The following MYLK variants were observed in gnomAD, a reference collection of about 807,000 sequenced individuals.
The protein encoded by MYLK is myosin light chain kinase.
In MYLK, 106 loss-of-function variants were observed where a neutral mutation model predicts 203.4. The observed-to-expected ratio is 0.52, with a 90% CI of 0.45 to 0.61. The LOEUF (loss-of-function observed/expected upper bound fraction) is 0.61. MYLK is among the 20% of genes least tolerant of loss of function. The probability of loss-of-function intolerance (pLI) is 0.00; values close to 1 mark genes in which losing one functional copy is unlikely to be tolerated. For missense variants in MYLK, 2,072 were observed against 2,442.3 expected, an observed-to-expected ratio of 0.85 and a Z score of 3.20; for synonymous variants, 867 against 959.5, an observed-to-expected ratio of 0.90 and a Z score of 1.78.
chr3:123,783,890 G>A (rs1376700688), intron 4 of MYLK, among the ~76,000 whole-genome samples: 1 of 152,172 alleles, frequency 6.6e-6, no homozygotes, highest in Non-Finnish European at 1.5e-5. Context: ...CTGGCTTACG[G>A]TGCCTCCCTC....
chr3:123,689,858 A>C (rs1490482219), intron 19 of MYLK: 2 of 152,236 alleles, frequency 1.3e-5, no homozygotes, highest in Non-Finnish European at 2.9e-5. Context: ...CCCTTTTCTT[A>C]GGAAAAAGAC....
At chr3:123,839,568 T>C (rs1357531978) in intron 2 of MYLK, among the ~76,000 whole-genome samples, 2 of 152,134 alleles carry the variant, frequency 1.3e-5, no homozygotes, top group Admixed American at 6.5e-5. Flanking sequence ...ATCCAAAAAG[T>C]CTTAGGCCTG....
At chr3:123,820,997 G>T (rs1313743304) in intron 3 of MYLK, among the ~76,000 whole-genome samples, 1 of 152,094 alleles carries the variant, frequency 6.6e-6, no homozygotes, top group Non-Finnish European at 1.5e-5. Flanking sequence ...CCAAAGTGCT[G>T]GGATTACAGG....
chr3:123,627,410 T>TA (rs1260034937), intron 30 of MYLK, among the ~76,000 whole-genome samples: 1 of 152,224 alleles, frequency 6.6e-6, no homozygotes. Flanking sequence ...TTTAATGTCT[T>TA]ACGGTGTTGT....
At chr3:123,619,459 A>G (rs916628957) in intron 32 of MYLK, among the ~76,000 whole-genome samples, 2 of 152,188 alleles carry the variant, frequency 1.3e-5, no homozygotes, top group African/African-American at 2.4e-5. Context: ...GGCCTCACCA[A>G]TAACCCTACC....
intron 7 of MYLK, among the ~76,000 whole-genome samples, chr3:123,737,887 T>C (rs2062733091): frequency 6.6e-6 from 1 of 152,122 alleles, no homozygotes. Flanking sequence ...TCAAGAGAAT[T>C]AGGAAGCAGG....
In MYLK at chr3:123,629,569, A is replaced by G. The variant is rs1553774768; in HGVS notation, c.5019T>C (p.Val1673=). Residue 1673 remains valine (V), a synonymous_variant, in exon 30 of 34, where the codon GTT becomes GTC. Coordinates refer to ENST00000360304, the MANE Select transcript of MYLK (RefSeq NM_053025.4). The surrounding 1 kb of genome is among the most constrained non-coding windows in gnomAD (Gnocchi z 4.4). ...GDNDNETLAN[V]TSATWDFDDE... ...CGTCGAAGTCCCAGGTGGCTGAGGTAACGTTGGCCAAGGTTTCGTTATCGT... is the reference window on the plus strand; with the variant it reads ...CGTCGAAGTCCCAGGTGGCTGAGGTGACGTTGGCCAAGGTTTCGTTATCGT... 6 of 1,614,160 alleles carry G rather than the reference A, an allele frequency of 3.7e-6. No homozygotes were observed. The highest frequency in any genetic ancestry group is 5.1e-6 in the Non-Finnish European group (6 of 1,180,024).
chr3:123,709,714 C>G (rs773210237), intron 14 of MYLK, 42 bp downstream of exon 14: 1 of 1,611,812 alleles, frequency 6.2e-7, no homozygotes, highest in East Asian at 2.2e-5. Flanking sequence ...CAACCAAGAC[C>G]ATTTTCATGT....
chr3:123,641,478 T>C (rs2058829949), intron 27 of MYLK, among the ~76,000 whole-genome samples: 1 of 151,836 alleles, frequency 6.6e-6, no homozygotes, highest in African/African-American at 2.4e-5. Flanking sequence ...TTCAAAGTTA[T>C]GTTGAGCTAT....
intron 28 of MYLK, among the ~76,000 whole-genome samples, chr3:123,639,433 C>T (rs2058756263): frequency 6.6e-6 from 1 of 152,234 alleles, no homozygotes; most frequent in Non-Finnish European, 1.5e-5. Flanking sequence ...TTTCTACTAC[C>T]TGCAGGGTGG....
Position 123,613,790 on chromosome 3 carries a change from A to G in MYLK, c.*315T>C. The G allele has an allele frequency of 2.7e-6, 1 of 364,720 alleles. No homozygotes were observed. The highest frequency in any genetic ancestry group is 5.2e-6 in the Non-Finnish European group (1 of 193,638). 22.6% of individuals were successfully genotyped at this position (364,720 alleles called of 1,614,324 possible). ...ATGAGCGCATTCAAGTGGAGAATTT[A>G]TGACTTTGCCCAGATAAATATTTGG... is the stretch of plus-strand genomic sequence containing the variant. On this transcript the variant is annotated 3_prime_UTR_variant, in exon 34 of 34. Coordinates refer to ENST00000360304, the MANE Select transcript of MYLK (RefSeq NM_053025.4).
intron 4 of MYLK, among the ~76,000 whole-genome samples, chr3:123,790,528 G>A (rs1444412897): frequency 6.6e-6 from 1 of 152,112 alleles, no homozygotes; most frequent in East Asian, 1.9e-4. Context: ...GAACCCCCAG[G>A]GGGTGCCTGT....
At chr3:123,820,548 G>A (rs767900548) in intron 3 of MYLK, among the ~76,000 whole-genome samples, 18 of 152,104 alleles carry the variant, frequency 1.2e-4, no homozygotes, top group Non-Finnish European at 2.2e-4. Flanking sequence ...GAGGATTTGT[G>A]TGCATGATAA....
Position 123,613,692 on chromosome 3 carries a change from G to A in MYLK, c.*413C>T. The A allele has an allele frequency of 4.4e-6, 1 of 229,612 alleles. No individual in the cohort carries two copies. Among genetic ancestry groups the A allele is most frequent in the Non-Finnish European group, 8.7e-6 (1 of 115,558 alleles). The allele number at this position is 229,612 out of a possible 1,614,324, so 14.2% of individuals were successfully genotyped here. On this transcript the variant is annotated 3_prime_UTR_variant, in exon 34 of 34. Transcript: ENST00000360304. ...TCTCTAGAGTCAGGGGGTGGGGAGAGAGAGGCCTCCCATCCCCAGGAACCC... is the reference window on the plus strand; with the variant it reads ...TCTCTAGAGTCAGGGGGTGGGGAGAAAGAGGCCTCCCATCCCCAGGAACCC...
chr3:123,657,525 A>G (rs998073781), intron 23 of MYLK, 97 bp from the exon 24 acceptor site: 13 of 1,279,284 alleles, frequency 1.0e-5, no homozygotes, highest in Non-Finnish European at 8.8e-6. Context: ...GGCAGCCTAG[A>G]GAACCCAATC....
In MYLK at chr3:123,866,337, G is replaced by T. The variant is rs548230925; in HGVS notation, c.-127+10222C>A. Among the ~76,000 whole-genome samples, 89 of 152,178 alleles carry T rather than the reference G, an allele frequency of 5.8e-4. 2 individuals are homozygous for T. The South Asian group carries it at 0.011, about 18-fold the overall frequency. ...TGAGACCTTTCAAAGAATATAACTG[G>T]TACACCCCCTTTAAATTTTCACCCA... is the stretch of plus-strand genomic sequence containing the variant. On this transcript the variant is annotated intron_variant, in intron 2 of 33. Transcript: ENST00000360304.
At chr3:123,666,464 G>A in intron 21 of MYLK, 118 bp from the exon 22 acceptor site, 1 of 1,410,288 alleles carries the variant, frequency 7.1e-7, no homozygotes, top group Non-Finnish European at 9.8e-7. Context: ...GGAACCTTCA[G>A]GGTAAGACTG....
Position 123,752,430 on chromosome 3 carries a change from CA to C in MYLK, c.273del (p.Val92Ter). On this transcript the variant is annotated frameshift_variant, in exon 5 of 34. Transcript: ENST00000360304. LOFTEE classifies it high-confidence loss of function. ...LDCGIRGTFSLVIHAVHEEDR... is the reference protein window; with the variant it reads ...LDCGIRGTFSXVIHAVHEEDR... ...TCCTCCTCATGGACAGCATGAATCACAAGGCTGAAAGTCCCCCGGATGCCGC... is the reference window on the plus strand; with the variant it reads ...TCCTCCTCATGGACAGCATGAATCACAGGCTGAAAGTCCCCCGGATGCCGC... 4 of 1,614,196 alleles carry C rather than the reference CA, an allele frequency of 2.5e-6. No individual in the cohort carries two copies. Among genetic ancestry groups the C allele is most frequent in the Non-Finnish European group, 3.4e-6 (4 of 1,180,032 alleles).
At chr3:123,631,379 C>T (rs984489349) in intron 29 of MYLK, among the ~76,000 whole-genome samples, 1 of 140,790 alleles carries the variant, frequency 7.1e-6, no homozygotes, top group African/African-American at 2.7e-5. Context: ...ACCTGGGCAA[C>T]AAGCGAAACT....
Sources: allele counts gnomAD v4.1 joint callset (sites outside exome capture counted in the v4.1 genomes callset), GRCh38; gene constraint gnomAD v4.1.1; non-coding constraint Gnocchi (gnomAD v3.1); transcripts MANE v1.5; gene names NCBI Gene and HGNC (gene_info 2026-07-23, HGNC 2026-07-21).